The following CCDC30 variants were observed in gnomAD, a reference collection of about 807,000 sequenced individuals.
The protein encoded by CCDC30 is coiled-coil domain containing 30.
CCDC30 carries 70 observed loss-of-function variants against 100.2 expected under a neutral mutation model. The ratio of observed to expected loss-of-function variants is 0.70; its 90% CI spans 0.58 to 0.85. The LOEUF (loss-of-function observed/expected upper bound fraction) is 0.85. Ranked by LOEUF, CCDC30 falls within the 40% of genes least tolerant of loss-of-function variation. The pLI is 0.00. For synonymous variants in CCDC30, 233 were observed against 269.5 expected, an observed-to-expected ratio of 0.86 and a Z score of 1.33; for missense variants, 652 against 771.2, an observed-to-expected ratio of 0.85 and a Z score of 1.83.
intron 4 of CCDC30, chr1:42,492,041 A>G (rs1391740947): frequency 4.1e-6 from 2 of 485,360 alleles, no homozygotes; most frequent in Non-Finnish European, 7.6e-6. Context: ...CAGGGCATGG[A>G]TTTACCCCTG....
chr1:42,591,332 A>G (rs1054450628), intron 10 of CCDC30: 13 of 152,316 alleles, frequency 8.5e-5, no homozygotes, highest in African/African-American at 2.9e-4. Flanking sequence ...TTAGGGGGCC[A>G]AGCACTGGGT....
chr1:42,470,496 A>G (rs915328), intron 1 of CCDC30, among the ~76,000 whole-genome samples: 58,926 of 152,040 alleles, frequency 0.39, 11,909 homozygotes, highest in East Asian at 0.59. Context: ...CAGGGATTCA[A>G]ATACTTTTAC....
In CCDC30 at chr1:42,525,543, G is replaced by A. The variant is rs146802089; in HGVS notation, c.456+26627G>A. ...TTAAAAAATACATTGTCACTTCTAG[G>A]TCTGTTTCTATTCACTGATTTTTTT... On this transcript the variant is annotated intron_variant, in intron 6 of 16. Coordinates refer to ENST00000668663, the Ensembl canonical transcript of CCDC30. 1.7e-3 allele frequency among the ~76,000 whole-genome samples: 255 copies of A among 151,894 alleles called. 1 individual carries two copies. The highest frequency in any genetic ancestry group is 6.0e-3 in the African/African-American group (248 of 41,434).
chr1:42,589,138 G>A (rs1025808764), intron 9 of CCDC30, among the ~76,000 whole-genome samples, 183 bp from the exon 14 acceptor site: 4 of 151,754 alleles, frequency 2.6e-5, no homozygotes, highest in Non-Finnish European at 4.4e-5. Context: ...GAGTGAGTGA[G>A]AGAAGTAAGG....
intron 3 of CCDC30, among the ~76,000 whole-genome samples, chr1:42,486,192 T>C (rs1343974095): frequency 6.6e-6 from 1 of 152,218 alleles, no homozygotes; most frequent in Non-Finnish European, 1.5e-5. Flanking sequence ...ACAATATTAG[T>C]TACAGTAGCC....
chr1:42,572,596 C>A lies in CCDC30; in HGVS notation c.637-4424C>A, dbSNP rs187196443. Among the ~76,000 whole-genome samples, 3 of 152,060 alleles carry A rather than the reference C, an allele frequency of 2.0e-5. No individual in the cohort carries two copies. In the East Asian group the frequency reaches 5.8e-4, roughly 29 times the overall value. On this transcript the variant is annotated intron_variant, in intron 7 of 16. Transcript: ENST00000668663. ...AAGTCATAAAGCTATTCTACATTAA[C>A]ATTTATTTATGTATTTATGTATTTG...
At chr1:42,612,133 A>G (rs1324368536) in intron 11 of CCDC30, among the ~76,000 whole-genome samples, 1 of 152,174 alleles carries the variant, frequency 6.6e-6, no homozygotes, top group African/African-American at 2.4e-5. Context: ...TCTTAATATC[A>G]TATGATAAGC....
intron 6 of CCDC30, among the ~76,000 whole-genome samples, chr1:42,530,645 C>G (rs1644791812): frequency 6.6e-6 from 1 of 151,956 alleles, no homozygotes; most frequent in South Asian, 2.1e-4. Flanking sequence ...ACTCATCTCT[C>G]AATTTAACAT....
At chr1:42,464,976 C>T (rs1643523195) in intron 1 of CCDC30, among the ~76,000 whole-genome samples, 1 of 152,206 alleles carries the variant, frequency 6.6e-6, no homozygotes, top group Admixed American at 6.5e-5. Flanking sequence ...CCTTTTCAAT[C>T]TTGCACATTA....
chr1:42,476,895 G>GTT (rs79217499), intron 1 of CCDC30, among the ~76,000 whole-genome samples: 4 of 130,228 alleles, frequency 3.1e-5, no homozygotes, highest in Admixed American at 7.6e-5. Flanking sequence ...TTTTTTTTTT[G>GTT]TTTTTTTTTT....
chr1:42,515,508 G>T (rs1644541573), intron 6 of CCDC30, among the ~76,000 whole-genome samples: 1 of 152,200 alleles, frequency 6.6e-6, no homozygotes, highest in African/African-American at 2.4e-5. Flanking sequence ...ATGAGACTGT[G>T]TGTGGACACT....
At chr1:42,471,441 T>C (rs1163936487) in intron 1 of CCDC30, among the ~76,000 whole-genome samples, 1 of 152,228 alleles carries the variant, frequency 6.6e-6, no homozygotes, top group Non-Finnish European at 1.5e-5. Flanking sequence ...TTCCAGTCTT[T>C]TCTTTGTGTG....
At chr1:42,653,781 C>G in intron 16 of CCDC30, 37 bp from the exon 21 acceptor site, 1 of 1,514,314 alleles carries the variant, frequency 6.6e-7, no homozygotes, top group Non-Finnish European at 9.2e-7. Context: ...CCAACAAACT[C>G]TATGTACATG....
chr1:42,491,752 A>T, intron 4 of CCDC30: 1 of 269,808 alleles, frequency 3.7e-6, no homozygotes, highest in African/African-American at 2.3e-5. Flanking sequence ...GCTGTTGGCA[A>T]GAACAAGCAC....
chr1:42,612,747 T>G (rs535691644), intron 11 of CCDC30, among the ~76,000 whole-genome samples: 23 of 152,274 alleles, frequency 1.5e-4, no homozygotes, highest in African/African-American at 5.3e-4. Context: ...ATCGTTATAT[T>G]TCCCTCTGTC....
At position 42,579,817 on chromosome 1, in the gene CCDC30, G is replaced by A. The variant is rs563216887; in HGVS notation, c.847-1543G>A. ...TCAAGACCAGCCTGAGCAACATAGT[G>A]AGACCCTATCTCTACAAAAATAAAA... On this transcript the variant is annotated intron_variant, in intron 8 of 16. Coordinates refer to ENST00000668663, the Ensembl canonical transcript of CCDC30. Among the ~76,000 whole-genome samples, 10 of 152,000 alleles carry A rather than the reference G, an allele frequency of 6.6e-5. No homozygotes were observed. The East Asian group carries it at 1.6e-3, about 24-fold the overall frequency.
At chr1:42,502,370 G>A (rs1397288191) in intron 6 of CCDC30, among the ~76,000 whole-genome samples, 3 of 152,170 alleles carry the variant, frequency 2.0e-5, no homozygotes, top group Admixed American at 6.5e-5. Flanking sequence ...TCCAGGTACC[G>A]TCTGTCATGG....
chr1:42,653,633 A>G (rs1227493910), intron 16 of CCDC30, among the ~76,000 whole-genome samples, 185 bp from the exon 21 acceptor site: 7 of 152,166 alleles, frequency 4.6e-5, no homozygotes, highest in Non-Finnish European at 1.0e-4. Context: ...TTCAACTCTA[A>G]ACCCCACAGA....
intron 4 of CCDC30, chr1:42,491,893 C>T: frequency 2.2e-6 from 1 of 457,980 alleles, no homozygotes; most frequent in Non-Finnish European, 4.0e-6. Context: ...GTCACCAGGA[C>T]TCGAGGAACC....
Sources: gnomAD v4.1 joint callset for allele counts (sites outside exome capture counted in the v4.1 genomes callset) on GRCh38, gnomAD v4.1.1 for gene constraint, MANE v1.5 for transcripts, NCBI Gene and HGNC (gene_info 2026-07-23, HGNC 2026-07-21) for gene names.